Variants in FSTL5 observed in about 807,000 individuals in gnomAD.
FSTL5 encodes the protein follistatin like 5.
A neutral mutation model predicts 89.1 loss-of-function variants in FSTL5; 62 were observed. That is an observed-to-expected ratio of 0.70 (90% CI 0.57 to 0.86). FSTL5 has a LOEUF of 0.86. Ranked by LOEUF, FSTL5 falls within the 40% of genes least tolerant of loss-of-function variation. FSTL5 has a pLI of 0.00. For synonymous variants in FSTL5, 383 were observed against 346.2 expected, an observed-to-expected ratio of 1.11 and a Z score of -1.18; for missense variants, 1,057 against 1,001.6, an observed-to-expected ratio of 1.06 and a Z score of -0.75.
intron 6 of FSTL5, among the ~76,000 whole-genome samples, chr4:161,700,864 A>T (rs1738364387): frequency 6.6e-6 from 1 of 152,232 alleles, no homozygotes; most frequent in South Asian, 2.1e-4. Flanking sequence ...ATTAAGACAG[A>T]AAGATTTTTA....
intron 4 of FSTL5, among the ~76,000 whole-genome samples, chr4:161,860,413 T>C (rs1246762252): frequency 6.6e-6 from 1 of 152,178 alleles, no homozygotes; most frequent in Admixed American, 6.5e-5. Flanking sequence ...TTAAGGAGGT[T>C]GGGTGTTACA....
chr4:161,414,220 T>C (rs1372202421), intron 15 of FSTL5, among the ~76,000 whole-genome samples: 1 of 152,204 alleles, frequency 6.6e-6, no homozygotes, highest in East Asian at 1.9e-4. Flanking sequence ...AATCAATGTT[T>C]AATTCTAACT....
intron 8 of FSTL5, among the ~76,000 whole-genome samples, chr4:161,555,852 T>C (rs1732369076): frequency 6.6e-6 from 1 of 151,586 alleles, no homozygotes; most frequent in African/African-American, 2.4e-5. Context: ...GTCTAAGACT[T>C]AATAAGAGGA....
At chr4:161,563,752 T>C (rs1366445142) in intron 8 of FSTL5, among the ~76,000 whole-genome samples, 1 of 151,996 alleles carries the variant, frequency 6.6e-6, no homozygotes, top group African/African-American at 2.4e-5. Context: ...GCACATATTG[T>C]TCTTGTCAGT....
At chr4:161,439,859 T>C (rs1732699536) in intron 15 of FSTL5, among the ~76,000 whole-genome samples, 2 of 152,160 alleles carry the variant, frequency 1.3e-5, no homozygotes, top group Non-Finnish European at 2.9e-5. Flanking sequence ...GAGGTACATT[T>C]TTGTGCATCT....
intron 2 of FSTL5, among the ~76,000 whole-genome samples, chr4:162,070,329 T>C (rs1291674026): frequency 6.6e-6 from 1 of 151,844 alleles, no homozygotes; most frequent in East Asian, 1.9e-4. Context: ...TACTTAATCA[T>C]TTCATAGTTT....
chr4:161,554,649 C>G (rs139921067), intron 8 of FSTL5, among the ~76,000 whole-genome samples: 1 of 151,762 alleles, frequency 6.6e-6, no homozygotes, highest in Non-Finnish European at 1.5e-5. Flanking sequence ...TAAGCACTGA[C>G]TATTTTTTCC....
intron 7 of FSTL5, among the ~76,000 whole-genome samples, chr4:161,631,628 A>T (rs1735509589): frequency 6.6e-6 from 1 of 152,172 alleles, no homozygotes; most frequent in African/African-American, 2.4e-5. Flanking sequence ...AAATAAATTA[A>T]TAAATAATTC....
At chr4:161,703,518 T>G (rs1738473045) in intron 6 of FSTL5, among the ~76,000 whole-genome samples, 1 of 152,110 alleles carries the variant, frequency 6.6e-6, no homozygotes, top group Admixed American at 6.6e-5. Context: ...GCAAAAAACT[T>G]ACACTCTCTC....
intron 15 of FSTL5, among the ~76,000 whole-genome samples, chr4:161,406,759 T>C (rs961547941): frequency 1.3e-5 from 2 of 152,216 alleles, no homozygotes; most frequent in Non-Finnish European, 2.9e-5. Flanking sequence ...TCTTTTGTGG[T>C]TACTATTTGC....
intron 4 of FSTL5, among the ~76,000 whole-genome samples, chr4:161,852,036 T>G (rs1457947730): frequency 1.3e-5 from 2 of 152,072 alleles, no homozygotes; most frequent in South Asian, 2.1e-4. Context: ...AAATGCATTG[T>G]AAATTACTTT....
At chr4:161,640,898 A>G (rs1264395926) in intron 7 of FSTL5, among the ~76,000 whole-genome samples, 3 of 152,222 alleles carry the variant, frequency 2.0e-5, no homozygotes, top group African/African-American at 4.8e-5. Flanking sequence ...AATTTTGAAA[A>G]CAGCAAGAGA....
chr4:161,743,165 A>G (rs917321627), intron 6 of FSTL5, among the ~76,000 whole-genome samples: 2 of 152,024 alleles, frequency 1.3e-5, no homozygotes, highest in East Asian at 3.9e-4. Context: ...AGTTCCTCCT[A>G]TGTTTTCTTC....
intron 1 of FSTL5, among the ~76,000 whole-genome samples, chr4:162,118,053 C>T (rs150653675): frequency 1.1e-3 from 170 of 152,234 alleles, no homozygotes; most frequent in African/African-American, 3.9e-3. Context: ...TTGGGAAAAA[C>T]CTCCCTTGTC....
Position 161,566,332 on chromosome 4 carries a change from C to T in FSTL5, c.1015+21123G>A, listed in dbSNP as rs562592902. 3.3e-5 allele frequency among the ~76,000 whole-genome samples: 5 copies of T among 151,342 alleles called. No individual in the cohort carries two copies. The South Asian group carries it at 8.4e-4, about 25-fold the overall frequency. ...ATAGTATTCTATGGTGTATATGTAC[C>T]GCATTTTCTTTATCCAATACACAGT... On this transcript the variant is annotated intron_variant, in intron 8 of 15. Coordinates refer to ENST00000306100, the MANE Select transcript of FSTL5 (RefSeq NM_020116.5).
At chr4:161,756,693 T>C (rs1325288825) in intron 6 of FSTL5, among the ~76,000 whole-genome samples, 1 of 152,112 alleles carries the variant, frequency 6.6e-6, no homozygotes, top group Non-Finnish European at 1.5e-5. Context: ...AGCAGTAGTA[T>C]TTTAGGCAAA....
chr4:161,606,525 C>G (rs1405276274), intron 7 of FSTL5, among the ~76,000 whole-genome samples: 1 of 152,020 alleles, frequency 6.6e-6, no homozygotes, highest in East Asian at 1.9e-4. Context: ...CCACCGCGCC[C>G]GGCCCGATTA....
At position 161,522,851 on chromosome 4, in the gene FSTL5, TAAA is replaced by T. The variant is rs913869536; in HGVS notation, c.1313-12430_1313-12428del. Among the ~76,000 whole-genome samples the T allele has an allele frequency of 3.9e-4, 59 of 151,840 alleles. 1 individual carries two copies. Among genetic ancestry groups the T allele is most frequent in the Admixed American group, 3.9e-4 (6 of 15,254 alleles). Reference sequence around the variant, plus strand: ...AAAATATTTTAACATTAAATATAAATAAAAAATATCTCATTTATTATATTTTCT... The same window carrying T: ...AAAATATTTTAACATTAAATATAAATAAATATCTCATTTATTATATTTTCT... On this transcript the variant is annotated intron_variant, in intron 10 of 15. Coordinates refer to ENST00000306100, the MANE Select transcript of FSTL5 (RefSeq NM_020116.5).
In FSTL5 at chr4:161,912,323, T is replaced by C. The variant is rs189165543; in HGVS notation, c.409+8081A>G. ...TGGGAGGTGACATGGTTTGGCTGTGTCCCCACCCAAAACTCAACTTGAATT... is the reference window on the plus strand; with the variant it reads ...TGGGAGGTGACATGGTTTGGCTGTGCCCCCACCCAAAACTCAACTTGAATT... On this transcript the variant is annotated intron_variant, in intron 4 of 15. Transcript: ENST00000306100. Among the ~76,000 whole-genome samples the C allele has an allele frequency of 1.4e-4, 22 of 152,226 alleles. No individual in the cohort carries two copies. The East Asian group carries it at 3.9e-3, about 27-fold the overall frequency.
Sources: allele counts gnomAD v4.1 joint callset (sites outside exome capture counted in the v4.1 genomes callset), GRCh38; gene constraint gnomAD v4.1.1; transcripts MANE v1.5; gene names NCBI Gene and HGNC (gene_info 2026-07-23, HGNC 2026-07-21).